NLRP9: variants seen among roughly 807,000 people sequenced by gnomAD.
The protein encoded by NLRP9 is NACHT, LRR and PYD domains-containing protein 9.
A neutral mutation model predicts 83.1 loss-of-function variants in NLRP9; 88 were observed. The ratio of observed to expected loss-of-function variants is 1.06; its 90% CI spans 0.89 to 1.26. The LOEUF (loss-of-function observed/expected upper bound fraction) is 1.26. Among genes scored for constraint, NLRP9 ranks in the 50% most tolerant of loss-of-function variants. NLRP9 has a pLI of 0.00. For synonymous variants in NLRP9, 521 were observed against 447.6 expected, an observed-to-expected ratio of 1.16 and a Z score of -2.07; for missense variants, 1,308 against 1,179.3, an observed-to-expected ratio of 1.11 and a Z score of -1.60.
chr19:55,716,615 C>T (rs570080742), intron 5 of NLRP9, 113 bp downstream of exon 5: 36 of 849,084 alleles, frequency 4.2e-5, no homozygotes, highest in Non-Finnish European at 5.4e-5. Flanking sequence ...GGTCTAGCTA[C>T]GGATTCCGCA....
chr19:55,709,159 G>A, intron 8 of NLRP9, 115 bp from the exon 9 acceptor site: 2 of 682,428 alleles, frequency 2.9e-6, no homozygotes, highest in Non-Finnish European at 4.5e-6. Context: ...AGAAATCACT[G>A]GGAGAATTGT....
intron 6 of NLRP9, 105 bp from the exon 7 acceptor site, chr19:55,712,695 CTG>C: frequency 1.2e-6 from 1 of 809,064 alleles, no homozygotes; most frequent in Non-Finnish European, 1.8e-6. Context: ...CCAAGTAAAT[CTG>C]AGATGATGAG....
rs546485740 is a variant in NLRP9 at position 55,713,077 on chromosome 19, GCT to G, written c.2502-489_2502-488del. 5.6e-4 allele frequency among the ~76,000 whole-genome samples: 84 copies of G among 150,218 alleles called. 1 individual carries two copies. Among genetic ancestry groups the G allele is most frequent in the Middle Eastern group, 6.9e-3 (2 of 290 alleles). On this transcript the variant is annotated intron_variant, in intron 6 of 8. Coordinates refer to ENST00000332836, the MANE Select transcript of NLRP9 (RefSeq NM_176820.4). ...CCCTGCACTTCTTCTCTCCTGCCTGGCTCTCTTTTCTCTGTGGCCTCTCCTCA... is the reference window on the plus strand; with the variant it reads ...CCCTGCACTTCTTCTCTCCTGCCTGGCTCTTTTCTCTGTGGCCTCTCCTCA...
In NLRP9 at chr19:55,711,846, GCAC is replaced by G. The variant is rs1987741629; in HGVS notation, c.2794_2796del (p.Val932del). 5.0e-6 allele frequency: 8 copies of G among 1,613,356 alleles called. No individual in the cohort carries two copies. Among genetic ancestry groups the G allele is most frequent in the Non-Finnish European group, 6.8e-6 (8 of 1,179,934 alleles). ...TCCGGGTGGCTCAATGCCTCACACA[GCAC>G]CACCACTGCATCAGCATCCAAGGCA... On this transcript the variant is annotated inframe_deletion, in exon 8 of 9. Coordinates refer to ENST00000332836, the MANE Select transcript of NLRP9 (RefSeq NM_176820.4).
chr19:55,709,848 A>C (rs1987635737), intron 8 of NLRP9: 1 of 152,242 alleles, frequency 6.6e-6, no homozygotes, highest in Non-Finnish European at 1.5e-5. Flanking sequence ...ATAAAAAATA[A>C]GTTCACAAAT....
rs548245803 is a variant in NLRP9, at chr19:55,720,106, G to A, written c.2160-3208C>T. Among the ~76,000 whole-genome samples the A allele has an allele frequency of 5.3e-5, 8 of 152,218 alleles. No individual in the cohort carries two copies. In the East Asian group the frequency reaches 5.8e-4, roughly 11 times the overall value. On this transcript the variant is annotated intron_variant, in intron 4 of 8. Transcript: ENST00000332836. ...AGATATTTTTGGTCTCAAATACACC[G>A]TGGTCATCTGGTTTATAATGATAAC... is the stretch of plus-strand genomic sequence containing the variant.
intron 8 of NLRP9, among the ~76,000 whole-genome samples, chr19:55,710,494 G>A (rs1266366504): frequency 1.3e-5 from 2 of 152,136 alleles, no homozygotes; most frequent in Admixed American, 1.3e-4. Flanking sequence ...CCCAATGTTG[G>A]AGGTGGGGCC....
rs146099192 is a variant in NLRP9, at chr19:55,735,707, CAG to C, written c.281-2159_281-2158del. Among the ~76,000 whole-genome samples, 801 of 151,676 alleles carry C rather than the reference CAG, an allele frequency of 5.3e-3. 13 individuals are homozygous for C. Among genetic ancestry groups the C allele is most frequent in the African/African-American group, 0.019 (779 of 41,288 alleles). Reference sequence around the variant, plus strand: ...TTATTAAAAAATTTTTTTTTTTAGACAGAGTCTCATCACTCTGTGGCCCAGGC... The same window carrying C: ...TTATTAAAAAATTTTTTTTTTTAGACAGTCTCATCACTCTGTGGCCCAGGC... On this transcript the variant is annotated intron_variant, in intron 1 of 8. Transcript: ENST00000332836.
chr19:55,721,504 C>G (rs1044391917), intron 4 of NLRP9, among the ~76,000 whole-genome samples: 1 of 152,076 alleles, frequency 6.6e-6, no homozygotes, highest in Non-Finnish European at 1.5e-5. Flanking sequence ...CCAAGCTGAC[C>G]CCCTCCCACC....
chr19:55,737,884 G>A (rs534545588), intron 1 of NLRP9, among the ~76,000 whole-genome samples: 1 of 152,036 alleles, frequency 6.6e-6, no homozygotes, highest in South Asian at 2.1e-4. Flanking sequence ...CACTCCATAG[G>A]TGAACAGTTG....
chr19:55,732,139 G>A lies in NLRP9; in HGVS notation c.1692C>T (p.Phe564=). 1 of 1,613,022 alleles carries A rather than the reference G, an allele frequency of 6.2e-7. No homozygotes were observed. The highest frequency in any genetic ancestry group is 1.7e-5 in the Admixed American group (1 of 59,776). The change falls in exon 2 of 9, where the codon TTC becomes TTT. Residue 564 remains phenylalanine, a synonymous_variant. Transcript: ENST00000332836. ...EKEFVTKVMN[F]FEEVFIYIGN... The stretch of plus-strand genomic sequence containing the variant: ...CAATATAAATGAAAACTTCTTCAAA[G>A]AAATTCATCACTTTGGTTACAAATT...
At chr19:55,719,092 G>T (rs139120213) in intron 4 of NLRP9, among the ~76,000 whole-genome samples, 1 of 152,228 alleles carries the variant, frequency 6.6e-6, no homozygotes, top group Non-Finnish European at 1.5e-5. Flanking sequence ...AGTTGCAAGC[G>T]CTGGGTTGCT....
At position 55,712,467 on chromosome 19, in the gene NLRP9, C is replaced by G. The variant is rs775518393; in HGVS notation, c.2625G>C (p.Gln875His). 1 of 1,612,890 alleles carries G rather than the reference C, an allele frequency of 6.2e-7. No individual in the cohort carries two copies. The highest frequency in any genetic ancestry group is 8.5e-7 in the Non-Finnish European group (1 of 1,179,860). The change falls in exon 7 of 9, where the codon CAG becomes CAC. Residue 875 changes from glutamine to histidine, a missense_variant. Transcript: ENST00000332836. ...HNEIGDTGVR[Q>H]LCAALQHPHC... The stretch of plus-strand genomic sequence containing the variant: ...GAGGATGCTGCAAAGCTGCACATAA[C>G]TGTCTGACACCAGTGTCTCCTATTT...
At chr19:55,722,349 A>G (rs563192916) in intron 4 of NLRP9, among the ~76,000 whole-genome samples, 1 of 152,280 alleles carries the variant, frequency 6.6e-6, no homozygotes, top group South Asian at 2.1e-4. Context: ...CTGAGAAGAG[A>G]AAGTTAGAGT....
chr19:55,736,270 A>G (rs1467663275), intron 1 of NLRP9, among the ~76,000 whole-genome samples: 1 of 152,172 alleles, frequency 6.6e-6, no homozygotes, highest in East Asian at 2.0e-4. Flanking sequence ...AGGCGCCTGT[A>G]GTCCCAGCTA....
In NLRP9 at chr19:55,708,674, A is replaced by G; in HGVS notation, c.*238T>C. On this transcript the variant is annotated 3_prime_UTR_variant, in exon 9 of 9. Transcript: ENST00000332836. ...ACTTGTTTAACGTACTTGTGCTTCT[A>G]AATATCACAAGGCAGGATGGGATTT... 1 of 353,736 alleles carries G rather than the reference A, an allele frequency of 2.8e-6. No individual in the cohort carries two copies. 21.9% of individuals were successfully genotyped at this position (353,736 alleles called of 1,614,324 possible).
chr19:55,719,597 C>A (rs1251205320), intron 4 of NLRP9, among the ~76,000 whole-genome samples: 1 of 152,234 alleles, frequency 6.6e-6, no homozygotes, highest in African/African-American at 2.4e-5. Context: ...TTAATTATTG[C>A]ATGCCTGTAT....
intron 3 of NLRP9, among the ~76,000 whole-genome samples, chr19:55,725,084 G>C (rs766644624): frequency 6.6e-6 from 1 of 152,090 alleles, no homozygotes; most frequent in Non-Finnish European, 1.5e-5. Flanking sequence ...AGCATTTATT[G>C]TAATGCCTGG....
intron 7 of NLRP9, 55 bp from the exon 8 acceptor site, chr19:55,712,025 G>T: frequency 6.5e-7 from 1 of 1,549,896 alleles, no homozygotes. Context: ...AGGCTGGAAG[G>T]CACGCCATTG....
Sources: allele counts gnomAD v4.1 joint callset (sites outside exome capture counted in the v4.1 genomes callset), GRCh38; gene constraint gnomAD v4.1.1; transcripts MANE v1.5; gene names NCBI Gene and HGNC (gene_info 2026-07-23, HGNC 2026-07-21).